Variants in FREM1 observed in about 807,000 individuals in gnomAD.
The protein encoded by FREM1 is FRAS1 related extracellular matrix 1, also known as FRAS1-related extracellular matrix protein 1.
A neutral mutation model predicts 210.1 loss-of-function variants in FREM1; 220 were observed. The ratio of observed to expected loss-of-function variants is 1.05; its 90% CI spans 0.94 to 1.17. The LOEUF is 1.17. Ranked by LOEUF, FREM1 falls within the 50% of genes most tolerant of loss-of-function variation. The pLI is 0.00. For synonymous variants in FREM1, 1,189 were observed against 980.2 expected, an observed-to-expected ratio of 1.21 and a Z score of -3.98; for missense variants, 3,454 against 2,675.5, an observed-to-expected ratio of 1.29 and a Z score of -6.42.
chr9:14,756,574 T>C, intron 28 of FREM1, 128 bp from the exon 29 acceptor site: 1 of 616,858 alleles, frequency 1.6e-6, no homozygotes, highest in Non-Finnish European at 2.6e-6. Context: ...GTAGGGTTTT[T>C]AAAAAAATTA....
intron 1 of FREM1, among the ~76,000 whole-genome samples, chr9:14,904,023 G>A (rs553743117): frequency 6.7e-6 from 1 of 150,342 alleles, no homozygotes; most frequent in Non-Finnish European, 1.5e-5. Context: ...TTGGGAGGCT[G>A]AGGCAGGAGA....
Position 14,797,573 on chromosome 9 carries a change from T to C in FREM1, c.3764A>G (p.Asp1255Gly). 1.2e-6 allele frequency: 2 copies of C among 1,612,576 alleles called. No homozygotes were observed. The highest frequency in any genetic ancestry group is 1.3e-5 in the African/African-American group (1 of 75,026). The part of the protein sequence containing the change: ...LADDFTIQLS[D>G]GKHKILKTIS... ...GGTTTTAAGTATCTTATGTTTCCCA[T>C]CTGACAATTGGATTGTAAAATCATC... The change falls in exon 21 of 37, where the codon GAT (aspartate) becomes GGT (glycine). Residue 1255 changes from aspartate (D) to glycine (G), a missense_variant. Coordinates refer to ENST00000380880, the MANE Select transcript of FREM1 (RefSeq NM_001379081.2).
chr9:14,801,577 T>C (rs1817294355), intron 20 of FREM1, 75 bp downstream of exon 20: 3 of 1,037,070 alleles, frequency 2.9e-6, no homozygotes, highest in Non-Finnish European at 4.3e-6. Flanking sequence ...TTGACCTTTT[T>C]AGATTTCACA....
At chr9:14,853,284 A>G (rs750086765) in intron 5 of FREM1, among the ~76,000 whole-genome samples, 3 of 152,194 alleles carry the variant, frequency 2.0e-5, no homozygotes, top group Non-Finnish European at 4.4e-5. Context: ...GTTTCCAGTT[A>G]AGGGCCTAGT....
chr9:14,812,831 G>A lies in FREM1; in HGVS notation c.2874C>T (p.Ala958=), dbSNP rs1819643352. ...GCTTACCTGTGTGTTTGTATGTCAC[G>A]GCCTCTGAGATAACATCTCTCTGAG... ...QFSQRDVISE[A]VTYKHTGGEI... Residue 958 remains alanine (A), a synonymous_variant, in exon 16 of 37, where the codon GCC becomes GCT. Transcript: ENST00000380880. The A allele has an allele frequency of 3.7e-6, 6 of 1,611,400 alleles. No homozygotes were observed. The highest frequency in any genetic ancestry group is 2.2e-5 in the South Asian group (2 of 90,656).
intron 13 of FREM1, among the ~76,000 whole-genome samples, chr9:14,822,037 C>G (rs1421662235): frequency 6.6e-6 from 1 of 152,074 alleles, no homozygotes; most frequent in Non-Finnish European, 1.5e-5. Flanking sequence ...CCATAGTATT[C>G]TCATGGTAGT....
chr9:14,806,870 T>G, intron 17 of FREM1, 24 bp from the exon 18 acceptor site: 1 of 1,491,030 alleles, frequency 6.7e-7, no homozygotes, highest in Non-Finnish European at 9.2e-7. Flanking sequence ...AAAACACAAT[T>G]ACAACTTAGC....
In FREM1 at chr9:14,797,526, C is replaced by T. The variant is rs1427740574; in HGVS notation, c.3811G>A (p.Val1271Ile). ...CTCAGCATTGGTTTTTCATCATTAA[C>T]TGGGATGACCTCTACTGAAATGGTT... is the stretch of plus-strand genomic sequence containing the variant. ...LKTISVEVIP[V>I]NDEKPMLSKK... Residue 1271 changes from valine to isoleucine, a missense_variant, in exon 21 of 37, where the codon GTT becomes ATT. Val to Ile is a conservative substitution (Grantham distance 29). Coordinates refer to ENST00000380880, the MANE Select transcript of FREM1 (RefSeq NM_001379081.2). 1 of 1,608,854 alleles carries T rather than the reference C, an allele frequency of 6.2e-7. No individual in the cohort carries two copies. Among genetic ancestry groups the T allele is most frequent in the Admixed American group, 1.7e-5 (1 of 59,250 alleles).
At chr9:14,825,762 A>G (rs915176627) in intron 10 of FREM1, among the ~76,000 whole-genome samples, 4 of 151,700 alleles carry the variant, frequency 2.6e-5, no homozygotes, top group Non-Finnish European at 5.9e-5. Flanking sequence ...ACCCACATAT[A>G]ACACATCACC....
chr9:14,878,683 G>A (rs979828670), intron 1 of FREM1, among the ~76,000 whole-genome samples: 13 of 152,042 alleles, frequency 8.6e-5, no homozygotes, highest in African/African-American at 2.4e-4. Flanking sequence ...TGTCCCTCAC[G>A]AAGATGTTAA....
intron 36 of FREM1, among the ~76,000 whole-genome samples, chr9:14,739,169 T>G (rs895960223): frequency 6.6e-6 from 1 of 151,778 alleles, no homozygotes; most frequent in South Asian, 2.1e-4. Context: ...AGTGGCACAA[T>G]CACGGCTCAC....
At chr9:14,739,463 T>TATATATATATATATATATATATATAATTC (rs58425457) in intron 36 of FREM1, among the ~76,000 whole-genome samples, 26 of 138,300 alleles carry the variant, frequency 1.9e-4, no homozygotes, top group African/African-American at 6.9e-4. Flanking sequence ...TATATATATA[T>TATATATATATATATATATATATATAATTC]ATATATATAT....
intron 29 of FREM1, among the ~76,000 whole-genome samples, chr9:14,752,151 A>C (rs1347100256): frequency 6.6e-6 from 1 of 151,978 alleles, no homozygotes; most frequent in Non-Finnish European, 1.5e-5. Flanking sequence ...CCCTGATCTA[A>C]GGGAGCTTAA....
At chr9:14,899,521 T>G (rs1411293865) in intron 1 of FREM1, among the ~76,000 whole-genome samples, 1 of 152,198 alleles carries the variant, frequency 6.6e-6, no homozygotes, top group Non-Finnish European at 1.5e-5. Flanking sequence ...TCTGATTAGA[T>G]GTCTCATTTG....
Position 14,868,970 on chromosome 9 carries a change from G to A in FREM1, c.8C>T (p.Ser3Phe), listed in dbSNP as rs201217735. The change falls in exon 2 of 37, where the codon TCT becomes TTT. Residue 3 changes from serine (S) to phenylalanine (F), a missense_variant. By Grantham distance (155) the Ser-to-Phe change is radical. Coordinates refer to ENST00000380880, the MANE Select transcript of FREM1 (RefSeq NM_001379081.2). Reference protein sequence around the residue: MNSLSWGAANAVL... With the variant: MNFLSWGAANAVL... ...GGCATTCGCAGCCCCCCAACTCAGA[G>A]AGTTCATGCTGACAGGGCCCAACTC... is the stretch of plus-strand genomic sequence containing the variant. 7.5e-5 allele frequency: 118 copies of A among 1,573,692 alleles called. No individual in the cohort carries two copies. Among genetic ancestry groups the A allele is most frequent in the Middle Eastern group, 4.5e-4 (2 of 4,430 alleles).
At chr9:14,859,860 T>C (rs1231739305) in intron 3 of FREM1, among the ~76,000 whole-genome samples, 1 of 152,082 alleles carries the variant, frequency 6.6e-6, no homozygotes, top group Non-Finnish European at 1.5e-5. Context: ...AAGGGGTGAG[T>C]GGTTTCTGAA....
At chr9:14,775,145 C>A (rs1292021593) in intron 25 of FREM1, among the ~76,000 whole-genome samples, 1 of 152,178 alleles carries the variant, frequency 6.6e-6, no homozygotes, top group African/African-American at 2.4e-5. Flanking sequence ...ATGCTGTAGG[C>A]ATGTTTTTCA....
intron 18 of FREM1, among the ~76,000 whole-genome samples, chr9:14,805,445 T>C (rs1818186243): frequency 6.6e-6 from 1 of 152,234 alleles, no homozygotes; most frequent in African/African-American, 2.4e-5. Flanking sequence ...AGAATAAATG[T>C]CGGAGACCTT....
chr9:14,867,367 C>A (rs1831718493), intron 2 of FREM1, among the ~76,000 whole-genome samples: 1 of 152,208 alleles, frequency 6.6e-6, no homozygotes, highest in Non-Finnish European at 1.5e-5. Context: ...GACACTGCAA[C>A]TACCAAACAC....
Sources: allele counts gnomAD v4.1 joint callset (sites outside exome capture counted in the v4.1 genomes callset), GRCh38; gene constraint gnomAD v4.1.1; transcripts MANE v1.5; gene names NCBI Gene and HGNC (gene_info 2026-07-23, HGNC 2026-07-21).